The following IRAG1 variants were observed in gnomAD, a reference collection of about 807,000 sequenced individuals.
IRAG1 encodes inositol 1,4,5-triphosphate receptor associated 1, also known as IP3R-associated cGMP kinase substrate.
In IRAG1, 62 loss-of-function variants were observed where a neutral mutation model predicts 106.2. The ratio of observed to expected loss-of-function variants is 0.58; its 90% confidence interval spans 0.48 to 0.72. The LOEUF (loss-of-function observed/expected upper bound fraction) is 0.72. IRAG1 is among the 30% of genes least tolerant of loss of function. IRAG1 has a pLI of 0.00. For synonymous variants in IRAG1, 462 were observed against 443.9 expected (o/e 1.04, Z -0.51); for missense variants, 1,064 against 1,140.7 (o/e 0.93, Z 0.97).
chr11:10,581,831 G>T (rs770140542), intron 19 of IRAG1, 36 bp downstream of exon 19: 5 of 1,604,938 alleles, frequency 3.1e-6, no homozygotes, highest in Non-Finnish European at 4.3e-6. Flanking sequence ...TCTGAGAACT[G>T]CCAGGTGCCC....
At chr11:10,630,812 C>T (rs1856637279) in intron 4 of IRAG1, among the ~76,000 whole-genome samples, 1 of 152,228 alleles carries the variant, frequency 6.6e-6, no homozygotes, top group Admixed American at 6.5e-5. Flanking sequence ...GCAGCAGATC[C>T]TTGGTTTTCA....
intron 1 of IRAG1, among the ~76,000 whole-genome samples, chr11:10,685,638 T>C (rs111458977): frequency 1.2e-4 from 18 of 151,850 alleles, no homozygotes; most frequent in African/African-American, 4.1e-4. Flanking sequence ...GGAGGATCAC[T>C]TGAGCCAGGG....
chr11:10,660,737 C>T (rs933132783), intron 1 of IRAG1, among the ~76,000 whole-genome samples: 1 of 152,194 alleles, frequency 6.6e-6, no homozygotes, highest in Non-Finnish European at 1.5e-5. Context: ...CCTGACAGAG[C>T]TCATTGTTTC....
intron 1 of IRAG1, among the ~76,000 whole-genome samples, chr11:10,669,398 T>C (rs1860039846): frequency 6.6e-6 from 1 of 152,192 alleles, no homozygotes; most frequent in African/African-American, 2.4e-5. Flanking sequence ...AACCAACTCA[T>C]GGTGAGTGAA....
intron 18 of IRAG1, among the ~76,000 whole-genome samples, chr11:10,586,416 CTTTT>C (rs1215933252): frequency 7.1e-6 from 1 of 141,014 alleles, no homozygotes; most frequent in African/African-American, 2.6e-5. Flanking sequence ...TTGATCTCTC[CTTTT>C]TTTTTTTTTT....
intron 10 of IRAG1, among the ~76,000 whole-genome samples, chr11:10,611,187 A>G (rs1421267319): frequency 6.6e-6 from 1 of 152,214 alleles, no homozygotes; most frequent in East Asian, 1.9e-4. Context: ...AGTAAGCTGG[A>G]GGATCATCTG....
At chr11:10,680,361 GA>G in intron 1 of IRAG1, among the ~76,000 whole-genome samples, 10 of 92,346 alleles carry the variant, frequency 1.1e-4, no homozygotes, top group African/African-American at 3.4e-4. Context: ...AAGAAAGAAA[GA>G]AAGAAAGAAG....
In IRAG1 at chr11:10,614,353, A is replaced by G. The variant is rs555991481; in HGVS notation, c.1448-4502T>C. Among the ~76,000 whole-genome samples the G allele has an allele frequency of 2.5e-4, 38 of 152,300 alleles. No homozygotes were observed. In the South Asian group the frequency reaches 7.7e-3, roughly 31 times the overall value. ...AGTTTAGATTAAATTTAAAACCTAT[A>G]ATGCAAAAAAACTACCTCATAATTT... On this transcript the variant is annotated intron_variant, in intron 10 of 20. Coordinates refer to ENST00000423302, the MANE Select transcript of IRAG1 (RefSeq NM_130385.4).
chr11:10,664,838 C>T (rs1859667735), intron 1 of IRAG1, among the ~76,000 whole-genome samples: 1 of 152,168 alleles, frequency 6.6e-6, no homozygotes, highest in African/African-American at 2.4e-5. Context: ...TGAAGAAGAA[C>T]TTGTCTAAGG....
chr11:10,599,230 C>T (rs1408143025), intron 15 of IRAG1, among the ~76,000 whole-genome samples: 1 of 152,170 alleles, frequency 6.6e-6, no homozygotes, highest in Admixed American at 6.5e-5. Context: ...AGGTTGGGAG[C>T]TCCTTTGGGT....
intron 10 of IRAG1, among the ~76,000 whole-genome samples, chr11:10,610,174 T>G (rs959647859): frequency 1.3e-5 from 2 of 152,258 alleles, no homozygotes; most frequent in African/African-American, 4.8e-5. Context: ...AATTGGAAGC[T>G]GGTTGGCTCT....
intron 7 of IRAG1, 47 bp from the exon 8 acceptor site, chr11:10,627,807 G>A (rs369945481): frequency 6.7e-5 from 108 of 1,611,926 alleles, no homozygotes; most frequent in Non-Finnish European, 8.6e-5. Flanking sequence ...GGAAGAGACC[G>A]TGTTTCCTCT....
chr11:10,690,843 T>G (rs1197963019), intron 1 of IRAG1, among the ~76,000 whole-genome samples: 1 of 152,092 alleles, frequency 6.6e-6, no homozygotes, highest in African/African-American at 2.4e-5. Flanking sequence ...TAATACCAAT[T>G]TTCTCCCGTT....
chr11:10,691,466 C>G (rs983361306), intron 1 of IRAG1, among the ~76,000 whole-genome samples: 5 of 152,124 alleles, frequency 3.3e-5, no homozygotes, highest in Admixed American at 3.3e-4. Context: ...AGTCAAGGAA[C>G]CTAGCTTCCT....
chr11:10,687,602 G>T lies in IRAG1; in HGVS notation c.67+5934C>A, dbSNP rs566779358. 4.5e-6 allele frequency: 5 copies of T among 1,110,894 alleles called. No homozygotes were observed. In the South Asian group the frequency reaches 6.5e-5, roughly 14 times the overall value. 68.8% of individuals were successfully genotyped at this position (1,110,894 alleles called of 1,614,324 possible). A position where few individuals can be genotyped will look rare whatever the true frequency, so the allele number is the denominator to read the frequency against. The stretch of plus-strand genomic sequence containing the variant: ...CAACAAGCCTTAAAGCTTCAGTGAA[G>T]GAAAGAGGTGTTATTTATTGGGCCT... On this transcript the variant is annotated intron_variant, in intron 1 of 20. Transcript: ENST00000423302.
At position 10,579,813 on chromosome 11, in the gene IRAG1, G is replaced by T. The variant is rs547284105; in HGVS notation, c.2495+642C>A. On this transcript the variant is annotated intron_variant, in intron 20 of 20. Coordinates refer to ENST00000423302, the MANE Select transcript of IRAG1 (RefSeq NM_130385.4). ...GAACCACAAGTGGGACAAGATACAG[G>T]TCTATATTCTCTTTATCTACATGTT... 4.4e-4 allele frequency among the ~76,000 whole-genome samples: 67 copies of T among 152,270 alleles called. 1 individual carries two copies. The highest frequency in any genetic ancestry group is 1.9e-3 in the South Asian group (9 of 4,826).
chr11:10,595,091 A>AT (rs1307580863), intron 15 of IRAG1, among the ~76,000 whole-genome samples: 5 of 151,826 alleles, frequency 3.3e-5, no homozygotes. Context: ...CACCTGGTTA[A>AT]TTTTTTTATT....
At chr11:10,600,571 A>G (rs962365371) in intron 15 of IRAG1, among the ~76,000 whole-genome samples, 3 of 152,238 alleles carry the variant, frequency 2.0e-5, no homozygotes, top group African/African-American at 7.2e-5. Context: ...TGCTGCCTAA[A>G]AGGGGATCCC....
chr11:10,680,988 A>G (rs556993219), intron 1 of IRAG1, among the ~76,000 whole-genome samples: 26 of 152,150 alleles, frequency 1.7e-4, no homozygotes, highest in Non-Finnish European at 3.2e-4. Flanking sequence ...AGTGAGTTCC[A>G]GTGGGAGGAG....
Sources: allele counts gnomAD v4.1 joint callset (sites outside exome capture counted in the v4.1 genomes callset), GRCh38; gene constraint gnomAD v4.1.1; transcripts MANE v1.5; gene names NCBI Gene and HGNC (gene_info 2026-07-23, HGNC 2026-07-21).